MAGI1: variants seen among roughly 807,000 people sequenced by gnomAD.
MAGI1 encodes membrane associated guanylate kinase, WW and PDZ domain containing 1.
A neutral mutation model predicts 139.9 loss-of-function variants in MAGI1; 58 were observed. The observed-to-expected ratio is 0.41, with a 90% confidence interval of 0.34 to 0.52. The LOEUF (loss-of-function observed/expected upper bound fraction) is 0.52, where lower values mean the gene tolerates loss of function less well. Ranked by LOEUF, MAGI1 falls within the 20% of genes least tolerant of loss-of-function variation. MAGI1 has a pLI of 0.12. For synonymous variants in MAGI1, 812 were observed against 737.9 expected (o/e 1.10, Z -1.63); for missense variants, 1,874 against 1,901.6 (o/e 0.99, Z 0.27).
At chr3:65,762,354 C>A (rs781019084) in intron 1 of MAGI1, among the ~76,000 whole-genome samples, 17 of 151,948 alleles carry the variant, frequency 1.1e-4, no homozygotes, top group Non-Finnish European at 2.4e-4. Flanking sequence ...GTAGCAGAGG[C>A]GACTTGCAAG....
Position 65,430,886 on chromosome 3 carries a change from A to T in MAGI1, c.1364-5T>A. On this transcript the variant is annotated splice_region_variant and splice_polypyrimidine_tract_variant and intron_variant, in intron 10 of 22. Transcript: ENST00000402939. ...TTCGTGTAAAAAAGGGTTTGCCTGGATTAAAATAAGAAACGCATAAGGAAT... is the reference window on the plus strand; with the variant it reads ...TTCGTGTAAAAAAGGGTTTGCCTGGTTTAAAATAAGAAACGCATAAGGAAT... 6.2e-7 allele frequency: 1 copy of T among 1,612,592 alleles called. No homozygotes were observed. Among genetic ancestry groups the T allele is most frequent in the South Asian group, 1.1e-5 (1 of 91,006 alleles).
intron 1 of MAGI1, among the ~76,000 whole-genome samples, chr3:65,799,553 G>C (rs1234746166): frequency 2.6e-5 from 4 of 152,162 alleles, no homozygotes; most frequent in Non-Finnish European, 4.4e-5. Context: ...ACTGTGCCTA[G>C]TTTATAAATT....
intron 2 of MAGI1, among the ~76,000 whole-genome samples, chr3:65,563,880 T>C (rs191628234): frequency 6.6e-5 from 10 of 152,332 alleles, no homozygotes; most frequent in Non-Finnish European, 1.3e-4. Context: ...CAAGCCTTTA[T>C]ATTCATATTC....
intron 1 of MAGI1, among the ~76,000 whole-genome samples, chr3:65,980,285 G>A (rs567179829): frequency 6.6e-6 from 1 of 152,228 alleles, no homozygotes; most frequent in Admixed American, 6.5e-5. Flanking sequence ...GGTAATGGCT[G>A]GGTGTGGTAG....
intron 18 of MAGI1, 21 bp downstream of exon 18, chr3:65,375,724 G>A: frequency 1.3e-6 from 2 of 1,553,604 alleles, no homozygotes; most frequent in East Asian, 2.2e-5. Flanking sequence ...GAGAGAGAGA[G>A]AGATAATAGG....
intron 2 of MAGI1, among the ~76,000 whole-genome samples, chr3:65,525,811 T>C (rs2078352741): frequency 6.6e-6 from 1 of 152,196 alleles, no homozygotes; most frequent in Admixed American, 6.5e-5. Flanking sequence ...CAATTAGGTA[T>C]CACAATTGTA....
intron 1 of MAGI1, among the ~76,000 whole-genome samples, chr3:66,018,118 G>GT (rs1553748554): frequency 7.3e-6 from 1 of 136,518 alleles, no homozygotes; most frequent in Non-Finnish European, 1.6e-5. Context: ...TTTGGTGGGG[G>GT]GGGGGGGTGT....
At chr3:65,768,793 C>A (rs892777871) in intron 1 of MAGI1, among the ~76,000 whole-genome samples, 1 of 152,154 alleles carries the variant, frequency 6.6e-6, no homozygotes, top group African/African-American at 2.4e-5. Flanking sequence ...GAAAATACTA[C>A]AGTGGCATTA....
chr3:65,405,624 T>G (rs1945271291), intron 12 of MAGI1, among the ~76,000 whole-genome samples: 1 of 151,866 alleles, frequency 6.6e-6, no homozygotes, highest in Non-Finnish European at 1.5e-5. Flanking sequence ...GGACAGAGTC[T>G]CCTTCTGTTG....
intron 10 of MAGI1, among the ~76,000 whole-genome samples, chr3:65,431,721 T>C (rs1947469355): frequency 6.6e-6 from 1 of 152,074 alleles, no homozygotes; most frequent in Admixed American, 6.6e-5. Flanking sequence ...GTGTGGTGGC[T>C]CATGCCTGTA....
chr3:65,935,310 A>G (rs188064407), intron 1 of MAGI1, among the ~76,000 whole-genome samples: 61 of 152,300 alleles, frequency 4.0e-4, no homozygotes, highest in Admixed American at 1.4e-3. Context: ...ATGTGGAATG[A>G]ATAAGAAGAA....
chr3:65,617,666 A>G (rs1022767793), intron 2 of MAGI1, among the ~76,000 whole-genome samples: 1 of 152,142 alleles, frequency 6.6e-6, no homozygotes, highest in African/African-American at 2.4e-5. Context: ...TCAGTCATCT[A>G]TGACCCTTTT....
At position 65,749,193 on chromosome 3, in the gene MAGI1, T is replaced by C. The variant is rs909620411; in HGVS notation, c.314-127105A>G. Among the ~76,000 whole-genome samples, 3 of 152,116 alleles carry C rather than the reference T, an allele frequency of 2.0e-5. No homozygotes were observed. The South Asian group carries it at 6.2e-4, about 31-fold the overall frequency. ...GGTAGCCAGCAAACCTCAGAGATCA[T>C]GATAGTGAAGGTTAAATGAAGAGAG... On this transcript the variant is annotated intron_variant, in intron 1 of 22. Transcript: ENST00000402939.
chr3:65,731,660 A>T (rs909649423), intron 1 of MAGI1, among the ~76,000 whole-genome samples: 24 of 121,512 alleles, frequency 2.0e-4, no homozygotes, highest in African/African-American at 8.1e-4. Flanking sequence ...GTCTCAAAAA[A>T]TTTAAAAAAA....
Position 65,656,827 on chromosome 3 carries a change from G to A in MAGI1, c.314-34739C>T, listed in dbSNP as rs899260749. Among the ~76,000 whole-genome samples, 8 of 151,576 alleles carry A rather than the reference G, an allele frequency of 5.3e-5. No individual in the cohort carries two copies. In the East Asian group the frequency reaches 5.9e-4, roughly 11 times the overall value. ...AGCTTGGCCAACATGGTGAAACCCCGTCTCTACCAAAAATACAAAAATCAG... is the reference window on the plus strand; with the variant it reads ...AGCTTGGCCAACATGGTGAAACCCCATCTCTACCAAAAATACAAAAATCAG... On this transcript the variant is annotated intron_variant, in intron 1 of 22. Transcript: ENST00000402939.
intron 18 of MAGI1, among the ~76,000 whole-genome samples, chr3:65,373,732 G>A (rs1396423606): frequency 6.6e-6 from 1 of 152,104 alleles, no homozygotes; most frequent in Non-Finnish European, 1.5e-5. Flanking sequence ...TTCCTAAATT[G>A]TAACAGCTTT....
At chr3:65,544,412 T>C (rs1265590609) in intron 2 of MAGI1, among the ~76,000 whole-genome samples, 2 of 152,106 alleles carry the variant, frequency 1.3e-5, no homozygotes, top group African/African-American at 4.8e-5. Flanking sequence ...CAAAGAACTT[T>C]TATAGGATTT....
intron 1 of MAGI1, among the ~76,000 whole-genome samples, chr3:65,645,560 G>A (rs953724863): frequency 2.6e-5 from 4 of 152,110 alleles, no homozygotes; most frequent in Non-Finnish European, 5.9e-5. Flanking sequence ...TCTCTGAAAT[G>A]TGGTTATAAA....
rs80176288 is a variant in MAGI1 at position 65,815,144 on chromosome 3, T to C, written c.314-193056A>G. 3.9e-3 allele frequency among the ~76,000 whole-genome samples: 595 copies of C among 152,328 alleles called. 2 individuals are homozygous for C. The highest frequency in any genetic ancestry group is 0.023 in the South Asian group (113 of 4,826). ...GCTCTCTCCCTGCAACCTGTGCTGC[T>C]GAGCTAGTGGAAATCTCAATGATTC... On this transcript the variant is annotated intron_variant, in intron 1 of 22. Coordinates refer to ENST00000402939, the MANE Select transcript of MAGI1 (RefSeq NM_001033057.2).
Sources: gnomAD v4.1 joint callset for allele counts (sites outside exome capture counted in the v4.1 genomes callset) on GRCh38, gnomAD v4.1.1 for gene constraint, MANE v1.5 for transcripts, NCBI Gene and HGNC (gene_info 2026-07-23, HGNC 2026-07-21) for gene names.